The following LRRTM4 variants were observed in gnomAD, a reference collection of about 807,000 sequenced individuals.
LRRTM4 encodes the protein leucine rich repeat transmembrane neuronal 4.
LRRTM4 carries 25 observed loss-of-function variants against 47.6 expected under a neutral mutation model. The observed-to-expected ratio is 0.53, with a 90% CI of 0.38 to 0.73. The LOEUF (loss-of-function observed/expected upper bound fraction) is 0.73, where lower values mean the gene tolerates loss of function less well. Among genes scored for constraint, LRRTM4 ranks in the 30% least tolerant of loss-of-function variants. The probability of loss-of-function intolerance (pLI) is 0.00; values close to 1 mark genes in which losing one functional copy is unlikely to be tolerated. For missense variants in LRRTM4, 638 were observed against 713.4 expected (o/e 0.89, Z 1.20); for synonymous variants, 311 against 269.5 (o/e 1.15, Z -1.51).
At chr2:77,465,755 T>C (rs925493112) in intron 3 of LRRTM4, among the ~76,000 whole-genome samples, 5 of 152,192 alleles carry the variant, frequency 3.3e-5, no homozygotes, top group Admixed American at 1.3e-4. Flanking sequence ...CCAGAAAGCA[T>C]TTTCTTTCAG....
chr2:76,813,638 CT>C, intron 3 of LRRTM4, among the ~76,000 whole-genome samples: 1 of 152,038 alleles, frequency 6.6e-6, no homozygotes, highest in Admixed American at 6.6e-5. Context: ...GCCAAGTTAA[CT>C]TTTGGTACAT....
intron 3 of LRRTM4, among the ~76,000 whole-genome samples, chr2:76,911,637 G>A (rs979053603): frequency 6.6e-6 from 1 of 151,994 alleles, no homozygotes; most frequent in African/African-American, 2.4e-5. Flanking sequence ...AGAGAGAAAA[G>A]AAAGAGCCAG....
At chr2:76,816,441 T>A (rs912139317) in intron 3 of LRRTM4, among the ~76,000 whole-genome samples, 1 of 152,012 alleles carries the variant, frequency 6.6e-6, no homozygotes, top group South Asian at 2.1e-4. Flanking sequence ...AAGAAAATAA[T>A]AGTCATGAAA....
chr2:77,176,085 C>T lies in LRRTM4; in HGVS notation c.1551+342233G>A, dbSNP rs562831986. ...ATTATATTTAAGTTCTTTCGAACACCGGAGATCCCCTTAATGTGTATGAAT... is the reference window on the plus strand; with the variant it reads ...ATTATATTTAAGTTCTTTCGAACACTGGAGATCCCCTTAATGTGTATGAAT... On this transcript the variant is annotated intron_variant, in intron 3 of 3. Transcript: ENST00000409884. Among the ~76,000 whole-genome samples the T allele has an allele frequency of 3.3e-5, 5 of 151,846 alleles. 1 individual carries two copies. Among genetic ancestry groups the T allele is most frequent in the South Asian group, 4.2e-4 (2 of 4,804 alleles).
chr2:77,472,535 T>A (rs1359576935), intron 3 of LRRTM4, among the ~76,000 whole-genome samples: 1 of 151,956 alleles, frequency 6.6e-6, no homozygotes, highest in Non-Finnish European at 1.5e-5. Flanking sequence ...TTTTTCATCA[T>A]TATAGTCCTC....
intron 3 of LRRTM4, among the ~76,000 whole-genome samples, chr2:76,945,535 A>T (rs1369338981): frequency 6.6e-6 from 1 of 152,056 alleles, no homozygotes; most frequent in Non-Finnish European, 1.5e-5. Flanking sequence ...AGCTTTCCAC[A>T]GAAAAAGAAG....
rs190646958 is a variant in LRRTM4 at position 77,042,728 on chromosome 2, A to C, written c.1552-293812T>G. On this transcript the variant is annotated intron_variant, in intron 3 of 3. Coordinates refer to ENST00000409884, the MANE Select transcript of LRRTM4 (RefSeq NM_001134745.3). ...TAACATTACTAATGAAGTGTTTCTA[A>C]ACCTATATTCATCAAGAGCATTTCC... Among the ~76,000 whole-genome samples the C allele has an allele frequency of 6.1e-4, 92 of 151,824 alleles. 3 individuals carry two copies. In the East Asian group the frequency reaches 0.016, roughly 27 times the overall value.
chr2:77,418,143 G>C (rs577313623), intron 3 of LRRTM4, among the ~76,000 whole-genome samples: 193 of 152,174 alleles, frequency 1.3e-3, no homozygotes, highest in Non-Finnish European at 2.2e-3. Flanking sequence ...CTGTGTCAAG[G>C]GTTCTTAGCG....
chr2:77,291,516 A>T (rs992525789), intron 3 of LRRTM4, among the ~76,000 whole-genome samples: 1 of 152,130 alleles, frequency 6.6e-6, no homozygotes, highest in African/African-American at 2.4e-5. Context: ...AGAAATAAAG[A>T]TTGCCAGTAA....
chr2:76,965,796 A>T (rs1676005088), intron 3 of LRRTM4, among the ~76,000 whole-genome samples: 1 of 151,448 alleles, frequency 6.6e-6, no homozygotes, highest in Non-Finnish European at 1.5e-5. Context: ...AAATGTCACA[A>T]TTACATAAGT....
chr2:77,510,681 A>G (rs1387796248), intron 3 of LRRTM4, among the ~76,000 whole-genome samples: 3 of 151,968 alleles, frequency 2.0e-5, no homozygotes, highest in Admixed American at 2.0e-4. Context: ...TGAAGCATAT[A>G]TTGCTTATTT....
At chr2:77,484,081 G>T (rs530632762) in intron 3 of LRRTM4, among the ~76,000 whole-genome samples, 206 of 152,268 alleles carry the variant, frequency 1.4e-3, no homozygotes, top group South Asian at 2.9e-3. Flanking sequence ...CAATTTAGCT[G>T]CATTTATTTT....
At chr2:77,409,592 T>G (rs1463116391) in intron 3 of LRRTM4, among the ~76,000 whole-genome samples, 1 of 152,190 alleles carries the variant, frequency 6.6e-6, no homozygotes, top group Non-Finnish European at 1.5e-5. Context: ...TGTGTGTTTG[T>G]TTCACTTTAA....
At chr2:76,963,105 A>T (rs1196300808) in intron 3 of LRRTM4, among the ~76,000 whole-genome samples, 1 of 150,994 alleles carries the variant, frequency 6.6e-6, no homozygotes, top group Non-Finnish European at 1.5e-5. Context: ...GTAATTATTT[A>T]ATTGATCAAT....
At chr2:77,050,313 C>T (rs1679387871) in intron 3 of LRRTM4, among the ~76,000 whole-genome samples, 1 of 152,036 alleles carries the variant, frequency 6.6e-6, no homozygotes, top group African/African-American at 2.4e-5. Context: ...TTGGATGGGC[C>T]ACTGGCCCCA....
Position 76,819,874 on chromosome 2 carries a change from A to C in LRRTM4, c.1552-70958T>G, listed in dbSNP as rs546818131. 2.6e-5 allele frequency among the ~76,000 whole-genome samples: 4 copies of C among 151,840 alleles called. No homozygotes were observed. The South Asian group carries it at 8.3e-4, about 31-fold the overall frequency. On this transcript the variant is annotated intron_variant, in intron 3 of 3. Transcript: ENST00000409884. ...GAAACCACCTACTTTTTGCTTTTTC[A>C]GGAATCCCAGCCCATCTGTACAACC...
chr2:77,305,353 G>C (rs1677243796), intron 3 of LRRTM4, among the ~76,000 whole-genome samples: 1 of 152,002 alleles, frequency 6.6e-6, no homozygotes, highest in African/African-American at 2.4e-5. Flanking sequence ...AACATGTTAA[G>C]AGATGTGCTT....
intron 3 of LRRTM4, among the ~76,000 whole-genome samples, chr2:77,477,973 GA>G (rs1330930753): frequency 2.7e-5 from 4 of 146,504 alleles, no homozygotes; most frequent in East Asian, 2.1e-4. Flanking sequence ...GAAAGAAAAA[GA>G]AAAAAAGCCA....
At chr2:77,239,648 A>G (rs1675203750) in intron 3 of LRRTM4, among the ~76,000 whole-genome samples, 1 of 151,952 alleles carries the variant, frequency 6.6e-6, no homozygotes, top group Non-Finnish European at 1.5e-5. Context: ...TACTAATACT[A>G]TAGGAATATC....
Sources: gnomAD v4.1 joint callset for allele counts (sites outside exome capture counted in the v4.1 genomes callset) on GRCh38, gnomAD v4.1.1 for gene constraint, MANE v1.5 for transcripts, NCBI Gene and HGNC (gene_info 2026-07-23, HGNC 2026-07-21) for gene names.